MECOM: variants seen among roughly 807,000 people sequenced by gnomAD.
The protein encoded by MECOM is MDS1 and EVI1 complex locus, also known as histone-lysine N-methyltransferase MECOM.
In MECOM, 13 loss-of-function variants were observed where a neutral mutation model predicts 116.3. That is an observed-to-expected ratio of 0.11 (90% CI 0.07 to 0.18). The LOEUF is 0.18. MECOM is among the 10% of genes least tolerant of loss of function. The pLI, the probability that MECOM is intolerant of heterozygous loss-of-function variation, is 1.00. For missense variants in MECOM, 1,299 were observed against 1,509.0 expected, an observed-to-expected ratio of 0.86 and a Z score of 2.31; for synonymous variants, 528 against 535.2, an observed-to-expected ratio of 0.99 and a Z score of 0.19.
intron 2 of MECOM, among the ~76,000 whole-genome samples, chr3:169,276,099 C>T (rs1270740176): frequency 5.3e-5 from 8 of 152,120 alleles, no homozygotes; most frequent in Admixed American, 3.3e-4. Flanking sequence ...CATTTGTCTG[C>T]CATAGCCACA....
At chr3:169,183,191 G>A (rs1746208729) in intron 2 of MECOM, among the ~76,000 whole-genome samples, 1 of 152,168 alleles carries the variant, frequency 6.6e-6, no homozygotes, top group African/African-American at 2.4e-5. Context: ...TGTTACCCTA[G>A]CTATGTGATG....
chr3:169,558,034 A>G (rs1762237846), intron 1 of MECOM, among the ~76,000 whole-genome samples: 1 of 152,212 alleles, frequency 6.6e-6, no homozygotes, highest in Non-Finnish European at 1.5e-5. Flanking sequence ...ATTTTTTAAA[A>G]GATTTTTTAA....
At chr3:169,468,331 C>T (rs1303504888) in intron 1 of MECOM, among the ~76,000 whole-genome samples, 2 of 152,234 alleles carry the variant, frequency 1.3e-5, no homozygotes, top group East Asian at 3.9e-4. Context: ...AGATCTGCTC[C>T]ACTGGTCTCA....
intron 1 of MECOM, among the ~76,000 whole-genome samples, chr3:169,523,470 G>A (rs561766168): frequency 5.3e-5 from 8 of 151,736 alleles, no homozygotes; most frequent in African/African-American, 1.7e-4. Context: ...CTTCTCTCTG[G>A]AGAGAGAGGA....
intron 2 of MECOM, among the ~76,000 whole-genome samples, chr3:169,185,145 G>T (rs544879235): frequency 6.6e-6 from 1 of 152,156 alleles, no homozygotes; most frequent in African/African-American, 2.4e-5. Flanking sequence ...TAGAGCCTAC[G>T]ATAATGATTT....
chr3:169,449,176 T>C (rs1457159193), intron 1 of MECOM, among the ~76,000 whole-genome samples: 1 of 152,204 alleles, frequency 6.6e-6, no homozygotes, highest in Non-Finnish European at 1.5e-5. Context: ...CTTGCAGTCA[T>C]GCACTATAGC....
chr3:169,380,812 C>A (rs890626039), intron 2 of MECOM, among the ~76,000 whole-genome samples: 2 of 152,130 alleles, frequency 1.3e-5, no homozygotes, highest in Admixed American at 6.6e-5. Context: ...TCCTCCAACT[C>A]CCCACCCCAA....
At chr3:169,606,810 G>A (rs765104793) in intron 1 of MECOM, among the ~76,000 whole-genome samples, 13 of 152,162 alleles carry the variant, frequency 8.5e-5, no homozygotes, top group South Asian at 2.1e-4. Flanking sequence ...AGAAAAGAGG[G>A]GAAGGTGGAC....
chr3:169,085,387 T>C (rs1717343592), intron 16 of MECOM, among the ~76,000 whole-genome samples: 1 of 152,178 alleles, frequency 6.6e-6, no homozygotes, highest in Non-Finnish European at 1.5e-5. Flanking sequence ...AAAATATTAT[T>C]GTGTGCTTAT....
At chr3:169,492,238 A>G (rs1753189368) in intron 1 of MECOM, among the ~76,000 whole-genome samples, 1 of 152,224 alleles carries the variant, frequency 6.6e-6, no homozygotes, top group Non-Finnish European at 1.5e-5. Flanking sequence ...TCGTGGGGTA[A>G]GAAAGAATTA....
chr3:169,403,999 T>A (rs569981171), intron 1 of MECOM, among the ~76,000 whole-genome samples: 7 of 152,290 alleles, frequency 4.6e-5, no homozygotes, highest in African/African-American at 1.4e-4. Context: ...AAAATTTACA[T>A]ATTTGGCTGC....
At chr3:169,287,695 T>C (rs1713616808) in intron 2 of MECOM, among the ~76,000 whole-genome samples, 1 of 152,188 alleles carries the variant, frequency 6.6e-6, no homozygotes, top group Non-Finnish European at 1.5e-5. Context: ...ATTTTATGGA[T>C]ACAATTGTTG....
chr3:169,551,388 T>G lies in MECOM; in HGVS notation c.37+111948A>C, dbSNP rs184072934. On this transcript the variant is annotated intron_variant, in intron 1 of 16. Coordinates refer to ENST00000651503, the MANE Select transcript of MECOM (RefSeq NM_004991.4). ...ATCTACACTTTAAAAAAAAAAAAAG[T>G]CAACTTGAAATGCCAAAAATTCTCA... 4.2e-3 allele frequency among the ~76,000 whole-genome samples: 621 copies of G among 147,938 alleles called. 6 individuals carry two copies. Among genetic ancestry groups the G allele is most frequent in the African/African-American group, 0.015 (590 of 40,384 alleles).
chr3:169,405,065 CT>C (rs1337032565), intron 1 of MECOM, among the ~76,000 whole-genome samples: 1 of 152,238 alleles, frequency 6.6e-6, no homozygotes, highest in Non-Finnish European at 1.5e-5. Flanking sequence ...GCCACTCTGG[CT>C]TCTCCCAGGG....
chr3:169,226,644 C>T (rs1009760109), intron 2 of MECOM, among the ~76,000 whole-genome samples: 16 of 152,174 alleles, frequency 1.1e-4, no homozygotes, highest in Admixed American at 8.5e-4. Context: ...GATTTGTTTC[C>T]CTTTAGACAT....
At chr3:169,453,920 TA>T (rs146943907) in intron 1 of MECOM, among the ~76,000 whole-genome samples, 6,419 of 148,490 alleles carry the variant, frequency 0.043, 168 homozygotes, top group East Asian at 0.082. Flanking sequence ...CAATGGATAA[TA>T]AAAAAAAAAC....
chr3:169,177,666 C>T lies in MECOM; in HGVS notation c.376-33834G>A, dbSNP rs953060117. ...GCGCGGTTGCTCATGCTTGTAATCC[C>T]AGCACTTTGGGAAGCCAAGGCGGGC... On this transcript the variant is annotated intron_variant, in intron 2 of 16. Coordinates refer to ENST00000651503, the MANE Select transcript of MECOM (RefSeq NM_004991.4). 6.3e-4 allele frequency among the ~76,000 whole-genome samples: 96 copies of T among 152,020 alleles called. 1 individual carries two copies. Among genetic ancestry groups the T allele is most frequent in the African/African-American group, 2.3e-3 (96 of 41,394 alleles).
intron 1 of MECOM, among the ~76,000 whole-genome samples, chr3:169,621,447 A>C (rs1043558280): frequency 3.3e-5 from 5 of 152,306 alleles, no homozygotes; most frequent in Admixed American, 1.3e-4. Context: ...TTGATTGTTT[A>C]TAAATGTTTT....
intron 2 of MECOM, among the ~76,000 whole-genome samples, chr3:169,318,487 C>T (rs1231043911): frequency 1.3e-5 from 2 of 152,174 alleles, no homozygotes; most frequent in African/African-American, 2.4e-5. Context: ...CAAAAGAAGA[C>T]ATTTATGTGA....
Sources: gnomAD v4.1 joint callset for allele counts (sites outside exome capture counted in the v4.1 genomes callset) on GRCh38, gnomAD v4.1.1 for gene constraint, MANE v1.5 for transcripts, NCBI Gene and HGNC (gene_info 2026-07-23, HGNC 2026-07-21) for gene names.